SORBS2: variants seen among roughly 807,000 people sequenced by gnomAD.
SORBS2 encodes sorbin and SH3 domain-containing protein 2.
Under a neutral mutation model 97.7 loss-of-function variants are expected in SORBS2, and 46 were observed. That is an observed-to-expected ratio of 0.47 (90% CI 0.37 to 0.60). The LOEUF (loss-of-function observed/expected upper bound fraction) is 0.60, where lower values mean the gene tolerates loss of function less well. Ranked by LOEUF, SORBS2 falls within the 20% of genes least tolerant of loss-of-function variation. The pLI, the probability that SORBS2 is intolerant of heterozygous loss-of-function variation, is 0.00. For synonymous variants in SORBS2, 476 were observed against 473.4 expected (o/e 1.01, Z -0.07); for missense variants, 1,316 against 1,282.3 (o/e 1.03, Z -0.40).
intron 4 of SORBS2, among the ~76,000 whole-genome samples, chr4:185,643,875 C>T (rs1381233045): frequency 1.3e-5 from 2 of 152,326 alleles, no homozygotes; most frequent in East Asian, 1.9e-4. Flanking sequence ...CGCTGGCCAT[C>T]GCTGCGACGC....
intron 1 of SORBS2, among the ~76,000 whole-genome samples, chr4:185,840,026 G>A (rs962055665): frequency 6.6e-6 from 1 of 152,080 alleles, no homozygotes; most frequent in East Asian, 1.9e-4. Flanking sequence ...AGAGAGGAGA[G>A]GAGCATCTCT....
chr4:185,604,924 G>A (rs1448324505), intron 12 of SORBS2, among the ~76,000 whole-genome samples: 11 of 152,122 alleles, frequency 7.2e-5, no homozygotes, highest in African/African-American at 2.4e-5. Flanking sequence ...CCGTGGCCCC[G>A]CGTGCAGGGT....
At chr4:185,867,434 G>A (rs748303477) in intron 1 of SORBS2, among the ~76,000 whole-genome samples, 7 of 152,202 alleles carry the variant, frequency 4.6e-5, no homozygotes, top group South Asian at 2.1e-4. Context: ...AAACAGGCAC[G>A]AGTAGAGAGA....
intron 3 of SORBS2, among the ~76,000 whole-genome samples, chr4:185,647,713 G>A (rs184530094): frequency 6.6e-6 from 1 of 152,152 alleles, no homozygotes; most frequent in African/African-American, 2.4e-5. Flanking sequence ...CTGATATGGA[G>A]CAAGACCCCT....
chr4:185,662,727 A>G (rs2097539581), intron 4 of SORBS2, among the ~76,000 whole-genome samples: 1 of 152,230 alleles, frequency 6.6e-6, no homozygotes, highest in South Asian at 2.1e-4. Context: ...GAGCTGGTGA[A>G]TAACATAAGG....
At chr4:185,614,159 G>GTTTTTTTTTTTTTTTT (rs34929054) in intron 11 of SORBS2, among the ~76,000 whole-genome samples, 9 of 91,624 alleles carry the variant, frequency 9.8e-5, no homozygotes, top group East Asian at 7.9e-4. Context: ...GTTTTTTTGT[G>GTTTTTTTTTTTTTTTT]TTTTTTTTTT....
rs746639648 is a variant in SORBS2, at chr4:185,624,074, C to T, written c.1055G>A (p.Gly352Glu). The stretch of plus-strand genomic sequence containing the variant: ...CATTTTCTTGTACATCTTCAGGAAC[C>T]CCGGGGCGTTGCGGGCTGACCTGTG... Residue 352 changes from glycine to glutamate, a missense_variant, in exon 7 of 15, where the codon GGG becomes GAG. By Grantham distance (98) the Gly-to-Glu change is moderately conservative (BLOSUM62 -2). Transcript: ENST00000418609. 17 of 1,614,156 alleles carry T rather than the reference C, an allele frequency of 1.1e-5. No individual in the cohort carries two copies. The Admixed American group carries it at 1.8e-4, about 17-fold the overall frequency.
exon 5 of SORBS2, chr4:185,662,232 G>A: frequency 1.2e-6 from 2 of 1,608,396 alleles, no homozygotes; most frequent in Non-Finnish European, 1.7e-6. Flanking sequence ...TCCATTCACT[G>A]TTATCTGGCT....
intron 2 of SORBS2, among the ~76,000 whole-genome samples, chr4:185,699,921 T>C (rs2098235654): frequency 6.6e-6 from 1 of 152,224 alleles, no homozygotes; most frequent in Non-Finnish European, 1.5e-5. Flanking sequence ...AATGTACAAG[T>C]GTTAAGCAGA....
At chr4:185,759,920 T>C (rs2098860708) in intron 2 of SORBS2, among the ~76,000 whole-genome samples, 1 of 152,206 alleles carries the variant, frequency 6.6e-6, no homozygotes, top group Admixed American at 6.5e-5. Flanking sequence ...AGCAATCCAT[T>C]AAGGTTAGAC....
intron 2 of SORBS2, among the ~76,000 whole-genome samples, chr4:185,692,845 C>T (rs2098120343): frequency 6.6e-6 from 1 of 152,088 alleles, no homozygotes; most frequent in Non-Finnish European, 1.5e-5. Flanking sequence ...GATTGAATTA[C>T]TAATACCTTA....
chr4:185,868,159 C>CTTTCTTTTTTTTTTTTTTTTT (rs59057506), intron 1 of SORBS2, among the ~76,000 whole-genome samples: 2 of 105,218 alleles, frequency 1.9e-5, no homozygotes, highest in African/African-American at 7.8e-5. Flanking sequence ...TTTTTTCTTT[C>CTTTCTTTTTTTTTTTTTTTTT]TTTTTTTTTT....
chr4:185,656,542 C>T, intron 1 of SORBS2: 1 of 1,145,006 alleles, frequency 8.7e-7, no homozygotes, highest in Non-Finnish European at 1.3e-6. Flanking sequence ...CTTGGCCACA[C>T]CCCAGCTTTA....
At chr4:185,628,629 G>T (rs1246619213) in intron 5 of SORBS2, among the ~76,000 whole-genome samples, 1 of 152,194 alleles carries the variant, frequency 6.6e-6, no homozygotes, top group Non-Finnish European at 1.5e-5. Flanking sequence ...TGTGCCTGTA[G>T]TCCCAGCTAT....
intron 1 of SORBS2, among the ~76,000 whole-genome samples, chr4:185,938,902 G>A (rs1269394085): frequency 1.3e-5 from 2 of 152,012 alleles, no homozygotes; most frequent in Admixed American, 6.5e-5. Context: ...TTCAAAGCAC[G>A]AAAGCAACAA....
chr4:185,679,621 A>G (rs2097843688), intron 2 of SORBS2, among the ~76,000 whole-genome samples: 1 of 152,188 alleles, frequency 6.6e-6, no homozygotes, highest in East Asian at 1.9e-4. Flanking sequence ...CTGGTTTATT[A>G]AAGCACATGG....
chr4:185,832,566 G>A (rs571277848), intron 1 of SORBS2, among the ~76,000 whole-genome samples: 22 of 152,318 alleles, frequency 1.4e-4, no homozygotes, highest in African/African-American at 5.1e-4. Flanking sequence ...ATAGGTTAAA[G>A]CAGAATCCAG....
chr4:185,948,229 G>A (rs185627722), intron 1 of SORBS2, among the ~76,000 whole-genome samples: 2 of 152,128 alleles, frequency 1.3e-5, no homozygotes, highest in East Asian at 1.9e-4. Context: ...AGACCATCCT[G>A]GTTTAAGCTT....
intron 1 of SORBS2, among the ~76,000 whole-genome samples, chr4:185,931,121 TA>T (rs2099266238): frequency 2.0e-5 from 3 of 152,172 alleles, no homozygotes. Flanking sequence ...ATGATCACAT[TA>T]GATAATTTAT....
Sources: allele counts gnomAD v4.1 joint callset (sites outside exome capture counted in the v4.1 genomes callset), GRCh38; gene constraint gnomAD v4.1.1; transcripts MANE v1.5; gene names NCBI Gene and HGNC (gene_info 2026-07-23, HGNC 2026-07-21).